The following TTC39B variants were observed in gnomAD, a reference collection of about 807,000 sequenced individuals.
TTC39B encodes tetratricopeptide repeat protein 39B.
Under a neutral mutation model 96.6 loss-of-function variants are expected in TTC39B, and 92 were observed. That is an observed-to-expected ratio of 0.95 (90% CI 0.80 to 1.13). TTC39B has a LOEUF of 1.13. Ranked by LOEUF, TTC39B falls within the 50% of genes most tolerant of loss-of-function variation. The probability of loss-of-function intolerance (pLI) is 0.00; values close to 1 mark genes in which losing one functional copy is unlikely to be tolerated. For synonymous variants in TTC39B, 367 were observed against 299.4 expected, an observed-to-expected ratio of 1.23 and a Z score of -2.33; for missense variants, 955 against 809.3, an observed-to-expected ratio of 1.18 and a Z score of -2.18.
intron 2 of TTC39B, among the ~76,000 whole-genome samples, chr9:15,239,244 T>C (rs2131463395): frequency 6.6e-6 from 1 of 152,238 alleles, no homozygotes; most frequent in Admixed American, 6.5e-5. Context: ...AGAATGGCTA[T>C]TATTAAAAAA....
chr9:15,184,203 A>T lies in TTC39B; in HGVS notation c.1614+1077T>A, dbSNP rs78426881. On this transcript the variant is annotated intron_variant, in intron 16 of 19. Transcript: ENST00000512701. ...GGTAAAATACTATCAGTACTTATTT[A>T]AATTGGTAGAGCTTTTTTTGAGGGG... is the stretch of plus-strand genomic sequence containing the variant. Among the ~76,000 whole-genome samples, 1,187 of 152,332 alleles carry T rather than the reference A, an allele frequency of 7.8e-3. 20 individuals carry two copies. The highest frequency in any genetic ancestry group is 0.027 in the African/African-American group (1,136 of 41,580).
intron 15 of TTC39B, 126 bp downstream of exon 15, chr9:15,186,818 C>G (rs904430188): frequency 8.5e-6 from 7 of 828,022 alleles, no homozygotes; most frequent in Non-Finnish European, 1.4e-5. Flanking sequence ...ACCTAAGCTT[C>G]CCAAGTAGCT....
At chr9:15,199,678 T>C (rs1022482931) in intron 8 of TTC39B, among the ~76,000 whole-genome samples, 183 bp downstream of exon 8, 1 of 125,006 alleles carries the variant, frequency 8.0e-6, no homozygotes, top group Admixed American at 1.1e-4. Context: ...GAGCTTGCAG[T>C]GAGCCGAGAT....
rs781424550 is a variant in TTC39B at position 15,307,084 on chromosome 9, C to T, written c.240G>A (p.Glu80=). The T allele has an allele frequency of 8.1e-6, 13 of 1,609,808 alleles. No homozygotes were observed. The South Asian group carries it at 1.3e-4, about 16-fold the overall frequency. Residue 80 remains glutamate, a splice_region_variant and synonymous_variant, in exon 1 of 20, where the codon GAG becomes GAA. Transcript: ENST00000512701. ...GCCCGCAATCCCCATCGGATCGTAC[C>T]TCGTCCGCTTCCAGCTCCGCTCGGC...
rs1369516010 is a variant in TTC39B at position 15,167,009 on chromosome 9, TATATATATATATA to T, written c.*4997_*5009del. 3.7e-3 allele frequency: 28 copies of T among 7,610 alleles called. 5 individuals carry two copies. Among genetic ancestry groups the T allele is most frequent in the African/African-American group, 4.6e-3 (8 of 1,744 alleles). The allele number at this position is 7,610 out of a possible 1,614,324, so 0.5% of individuals were successfully genotyped here. The stretch of plus-strand genomic sequence containing the variant: ...ATATATATATATATATATATATATA[TATATATATATATA>T]TATATATTTTTTTTTTTTTTTTTTT... On this transcript the variant is annotated 3_prime_UTR_variant, in exon 20 of 20. Coordinates refer to ENST00000512701, the Ensembl canonical transcript of TTC39B.
intron 4 of TTC39B, among the ~76,000 whole-genome samples, chr9:15,211,687 T>C (rs1179238868): frequency 6.6e-6 from 1 of 152,202 alleles, no homozygotes; most frequent in African/African-American, 2.4e-5. Context: ...CAAACTGTTT[T>C]CTGTTGAAAA....
At chr9:15,170,018 A>G (rs1455137759) in exon 20 of TTC39B, 1 of 152,156 alleles carries the variant, frequency 6.6e-6, no homozygotes, top group East Asian at 1.9e-4. Flanking sequence ...AAGCTCTTCT[A>G]AGAGCTTTTT....
At chr9:15,276,062 A>C (rs1051338423) in intron 1 of TTC39B, among the ~76,000 whole-genome samples, 3 of 152,234 alleles carry the variant, frequency 2.0e-5, no homozygotes, top group African/African-American at 7.2e-5. Context: ...GCTAGTATAA[A>C]GGGCCCTGTG....
intron 6 of TTC39B, among the ~76,000 whole-genome samples, chr9:15,205,041 A>C (rs1456875182): frequency 1.3e-5 from 2 of 152,212 alleles, no homozygotes; most frequent in African/African-American, 2.4e-5. Flanking sequence ...TAGGAGCCTG[A>C]GCTGCTAAAA....
chr9:15,292,110 C>G (rs1824208309), intron 1 of TTC39B, among the ~76,000 whole-genome samples: 1 of 152,106 alleles, frequency 6.6e-6, no homozygotes, highest in African/African-American at 2.4e-5. Flanking sequence ...ATTTTACAGA[C>G]AGGAAAGAAT....
chr9:15,277,314 G>A (rs1436474142), intron 1 of TTC39B, among the ~76,000 whole-genome samples: 2 of 152,180 alleles, frequency 1.3e-5, no homozygotes, highest in Non-Finnish European at 2.9e-5. Context: ...TGTAATCCCA[G>A]CTACTTGGGA....
chr9:15,270,278 G>C (rs1348757764), intron 1 of TTC39B, among the ~76,000 whole-genome samples: 2 of 152,120 alleles, frequency 1.3e-5, no homozygotes, highest in Non-Finnish European at 2.9e-5. Context: ...GTAAAATCAA[G>C]GGCCAGCACA....
At chr9:15,208,790 T>C (rs184255030) in intron 6 of TTC39B, among the ~76,000 whole-genome samples, 162 of 152,254 alleles carry the variant, frequency 1.1e-3, no homozygotes, top group Non-Finnish European at 1.8e-3. Context: ...ATGTGAAATG[T>C]CTCATAATTC....
At chr9:15,252,283 T>C (rs999430781) in intron 2 of TTC39B, among the ~76,000 whole-genome samples, 2 of 152,218 alleles carry the variant, frequency 1.3e-5, no homozygotes, top group Non-Finnish European at 2.9e-5. Flanking sequence ...ATATGTAACA[T>C]GTAAGAGAAT....
chr9:15,202,091 A>G (rs893294477), intron 7 of TTC39B, among the ~76,000 whole-genome samples: 1 of 152,224 alleles, frequency 6.6e-6, no homozygotes, highest in Non-Finnish European at 1.5e-5. Context: ...AAGCAGCATG[A>G]ATATAAAGGT....
chr9:15,177,549 C>A (rs1007812991), intron 18 of TTC39B, 148 bp downstream of exon 18: 2 of 542,452 alleles, frequency 3.7e-6, no homozygotes, highest in Non-Finnish European at 6.6e-6. Flanking sequence ...CGAGGAAGAA[C>A]AACAACAACA....
intron 2 of TTC39B, among the ~76,000 whole-genome samples, chr9:15,263,834 G>A (rs1823028163): frequency 6.6e-6 from 1 of 152,170 alleles, no homozygotes; most frequent in Non-Finnish European, 1.5e-5. Flanking sequence ...TAACCAAGGT[G>A]AGAGGAGTGG....
chr9:15,213,463 C>G (rs370756654), intron 4 of TTC39B, among the ~76,000 whole-genome samples: 7 of 152,324 alleles, frequency 4.6e-5, no homozygotes, highest in East Asian at 1.9e-4. Context: ...CTAAGATTCA[C>G]ATGACCAGAG....
intron 1 of TTC39B, among the ~76,000 whole-genome samples, chr9:15,281,470 T>C (rs60876845): frequency 0.13 from 19,756 of 151,892 alleles, 2,456 homozygotes; most frequent in African/African-American, 0.33. Context: ...TATCTATCCT[T>C]ATAGGTAATT....
Sources: allele counts gnomAD v4.1 joint callset (sites outside exome capture counted in the v4.1 genomes callset), GRCh38; gene constraint gnomAD v4.1.1; transcripts MANE v1.5; gene names NCBI Gene and HGNC (gene_info 2026-07-23, HGNC 2026-07-21).